Variants in SLC30A9 observed in about 807,000 individuals in gnomAD.
SLC30A9 encodes proton-coupled zinc antiporter SLC30A9, mitochondrial.
In SLC30A9, 58 loss-of-function variants were observed where a neutral mutation model predicts 87.5. That is an observed-to-expected ratio of 0.66 (90% confidence interval 0.54 to 0.82). The LOEUF (loss-of-function observed/expected upper bound fraction) is 0.82, where lower values mean the gene tolerates loss of function less well. SLC30A9 is among the 40% of genes least tolerant of loss of function. The pLI is 0.00. For synonymous variants in SLC30A9, 234 were observed against 233.0 expected, an observed-to-expected ratio of 1.00 and a Z score of -0.04; for missense variants, 557 against 679.1, an observed-to-expected ratio of 0.82 and a Z score of 2.00.
intron 16 of SLC30A9, among the ~76,000 whole-genome samples, chr4:42,076,959 C>G (rs1393510370): frequency 1.4e-4 from 1 of 7,164 alleles, no homozygotes. Context: ...GAGACTCCGT[C>G]TCAAAAAAAA....
intron 2 of SLC30A9, among the ~76,000 whole-genome samples, chr4:42,007,459 G>A (rs1164417703): frequency 6.6e-6 from 1 of 152,118 alleles, no homozygotes; most frequent in Admixed American, 6.5e-5. Flanking sequence ...CTGTTAAAAT[G>A]TCACACATCA....
chr4:42,081,154 A>G (rs1234413688), intron 17 of SLC30A9, among the ~76,000 whole-genome samples: 1 of 152,260 alleles, frequency 6.6e-6, no homozygotes, highest in Non-Finnish European at 1.5e-5. Context: ...ATTAAAAAGC[A>G]GTTTATTCAG....
At chr4:42,019,856 A>T (rs935340998) in intron 3 of SLC30A9, among the ~76,000 whole-genome samples, 24 of 151,968 alleles carry the variant, frequency 1.6e-4, no homozygotes, top group Admixed American at 5.9e-4. Context: ...GTGCAGTGGC[A>T]TGATCTGGCT....
intron 9 of SLC30A9, among the ~76,000 whole-genome samples, chr4:42,052,935 A>G (rs1428839878): frequency 6.6e-6 from 1 of 152,228 alleles, no homozygotes; most frequent in East Asian, 1.9e-4. Flanking sequence ...GGAAATAAAT[A>G]CGCATAGATT....
intron 2 of SLC30A9, among the ~76,000 whole-genome samples, chr4:42,015,411 G>A (rs911163219): frequency 6.6e-6 from 1 of 152,038 alleles, no homozygotes; most frequent in Non-Finnish European, 1.5e-5. Flanking sequence ...AAACAAGATG[G>A]TAAACTGAAA....
chr4:42,045,584 TAA>T (rs34964085), intron 8 of SLC30A9, among the ~76,000 whole-genome samples: 91,335 of 134,714 alleles, frequency 0.68, 33,344 homozygotes, highest in East Asian at 0.96. Flanking sequence ...GCCTATCAAC[TAA>T]AAAAAAAAAA....
chr4:41,990,635 G>A lies in SLC30A9; in HGVS notation c.-17G>A, dbSNP rs745856248. ...GGCAGAAGGCGGTGTCCGAGTAGGGGCCTCTGCCCCACCAGGATGTTACCC... is the reference window on the plus strand; with the variant it reads ...GGCAGAAGGCGGTGTCCGAGTAGGGACCTCTGCCCCACCAGGATGTTACCC... On this transcript the variant is annotated 5_prime_UTR_variant, in exon 1 of 18. Coordinates refer to ENST00000264451, the MANE Select transcript of SLC30A9 (RefSeq NM_006345.4). 4 of 1,526,030 alleles carry A rather than the reference G, an allele frequency of 2.6e-6. No individual in the cohort carries two copies. Among genetic ancestry groups the A allele is most frequent in the Non-Finnish European group, 3.6e-6 (4 of 1,105,898 alleles). 94.5% of individuals were successfully genotyped at this position (1,526,030 alleles called of 1,614,324 possible).
intron 1 of SLC30A9, among the ~76,000 whole-genome samples, chr4:41,994,285 A>AT (rs1176407571): frequency 1.3e-5 from 2 of 152,244 alleles, no homozygotes; most frequent in East Asian, 3.9e-4. Context: ...TTGTCTAAAA[A>AT]TTTTTTTATT....
At chr4:42,073,554 C>T (rs184479855) in intron 15 of SLC30A9, among the ~76,000 whole-genome samples, 61 of 152,254 alleles carry the variant, frequency 4.0e-4, no homozygotes, top group African/African-American at 1.4e-3. Flanking sequence ...AATCAGGGCA[C>T]AGCTTATCTG....
Position 42,081,898 on chromosome 4 carries a change from G to T in SLC30A9, c.1662+3573G>T, listed in dbSNP as rs556364032. ...AAGGTAAGTATAATCCATACATTCA[G>T]GTGGAAACGTCTTTGGCTAAGATAA... On this transcript the variant is annotated intron_variant, in intron 17 of 17. Transcript: ENST00000264451. Among the ~76,000 whole-genome samples, 212 of 152,254 alleles carry T rather than the reference G, an allele frequency of 1.4e-3. 2 individuals are homozygous for T. Among genetic ancestry groups the T allele is most frequent in the South Asian group, 1.0e-2 (48 of 4,822 alleles).
At chr4:42,054,239 T>A (rs1717508739) in intron 9 of SLC30A9, among the ~76,000 whole-genome samples, 1 of 152,028 alleles carries the variant, frequency 6.6e-6, no homozygotes, top group African/African-American at 2.4e-5. Context: ...ATGCCTGTAA[T>A]CCCAGCTACT....
rs1231726619 is a variant in SLC30A9 at position 42,060,361 on chromosome 4, A to AT, written c.896+118dup. 3.5e-5 allele frequency: 28 copies of AT among 803,116 alleles called. No individual in the cohort carries two copies. The East Asian group carries it at 6.9e-4, about 20-fold the overall frequency. 49.7% of individuals were successfully genotyped at this position (803,116 alleles called of 1,614,324 possible). A position where few individuals can be genotyped will look rare whatever the true frequency, so the allele number is the denominator to read the frequency against. On this transcript the variant is annotated intron_variant, in intron 10 of 17. Transcript: ENST00000264451. Reference sequence around the variant, plus strand: ...CCTGCAGTTTGTTCAAGATTTGGTCATTTCTTCCACTGTAGTATCTAAAAT... The same window carrying AT: ...CCTGCAGTTTGTTCAAGATTTGGTCATTTTCTTCCACTGTAGTATCTAAAAT...
intron 17 of SLC30A9, among the ~76,000 whole-genome samples, chr4:42,083,953 C>T (rs1443226491): frequency 6.6e-6 from 1 of 152,064 alleles, no homozygotes. Flanking sequence ...AAGAAAAATC[C>T]CTGTGTGCAC....
chr4:42,006,926 A>T (rs1461581553), intron 2 of SLC30A9, among the ~76,000 whole-genome samples: 1 of 152,128 alleles, frequency 6.6e-6, no homozygotes, highest in Non-Finnish European at 1.5e-5. Context: ...AAATGGCAAG[A>T]GTTAAGCACT....
intron 16 of SLC30A9, among the ~76,000 whole-genome samples, chr4:42,076,793 A>G (rs1447104379): frequency 6.6e-6 from 1 of 151,872 alleles, no homozygotes; most frequent in Non-Finnish European, 1.5e-5. Flanking sequence ...GAAAACCCGT[A>G]TCTACTAAAA....
intron 1 of SLC30A9, among the ~76,000 whole-genome samples, chr4:41,996,895 G>A (rs1225307687): frequency 6.6e-5 from 10 of 152,082 alleles, no homozygotes; most frequent in Non-Finnish European, 1.0e-4. Flanking sequence ...TTAGTCAGGC[G>A]TGGTGGCACA....
chr4:42,075,725 T>C lies in SLC30A9; in HGVS notation c.1487T>C (p.Phe496Ser). 1.2e-6 allele frequency: 2 copies of C among 1,613,560 alleles called. No individual in the cohort carries two copies. The highest frequency in any genetic ancestry group is 1.3e-5 in the African/African-American group (1 of 75,040). Residue 496 changes from phenylalanine to serine, a missense_variant, in exon 16 of 18, where the codon TTT (phenylalanine) becomes TCT (serine). Phe to Ser is a radical substitution (Grantham distance 155). Transcript: ENST00000264451. ...GKVRFKAEVD[F>S]DGRVVTRSYL... ...GTAAGATTTAAGGCAGAAGTAGATTTTGATGGGCGAGTTGTTACAAGATCA... is the reference window on the plus strand; with the variant it reads ...GTAAGATTTAAGGCAGAAGTAGATTCTGATGGGCGAGTTGTTACAAGATCA...
chr4:42,074,977 A>C (rs1364799218), intron 15 of SLC30A9, among the ~76,000 whole-genome samples: 1 of 142,614 alleles, frequency 7.0e-6, no homozygotes, highest in Admixed American at 7.1e-5. Context: ...ACAAAGGCTT[A>C]TGAGATAACA....
At chr4:42,041,929 C>G (rs1394041415) in intron 8 of SLC30A9, among the ~76,000 whole-genome samples, 2 of 152,176 alleles carry the variant, frequency 1.3e-5, no homozygotes, top group African/African-American at 2.4e-5. Context: ...CAGGGTGGGG[C>G]ATTGCCTCAC....
Sources: allele counts gnomAD v4.1 joint callset (sites outside exome capture counted in the v4.1 genomes callset), GRCh38; gene constraint gnomAD v4.1.1; transcripts MANE v1.5; gene names NCBI Gene and HGNC (gene_info 2026-07-23, HGNC 2026-07-21).